PTPRD: variants seen among roughly 807,000 people sequenced by gnomAD.
PTPRD encodes protein tyrosine phosphatase receptor type D.
Under a neutral mutation model 214.5 loss-of-function variants are expected in PTPRD, and 34 were observed. The observed-to-expected ratio is 0.16, with a 90% confidence interval of 0.12 to 0.21. The LOEUF (loss-of-function observed/expected upper bound fraction) is 0.21. Among genes scored for constraint, PTPRD ranks in the 10% least tolerant of loss-of-function variants. The pLI is 1.00. For missense variants in PTPRD, 2,545 were observed against 2,398.7 expected, an observed-to-expected ratio of 1.06 and a Z score of -1.27; for synonymous variants, 1,128 against 845.7, an observed-to-expected ratio of 1.33 and a Z score of -5.79.
rs2098779958 is a variant in PTPRD, at chr9:8,915,618, T to C, written c.-104+103079A>G. On this transcript the variant is annotated intron_variant, in intron 11 of 45. Coordinates refer to ENST00000381196, the MANE Select transcript of PTPRD (RefSeq NM_002839.4). ...CAAGCTAGAGACCTAGGTGAGCTGA[T>C]GCGGCAGCTGTAGCCTGAATGTCAG... 2.0e-5 allele frequency among the ~76,000 whole-genome samples: 3 copies of C among 152,146 alleles called. No individual in the cohort carries two copies. In the South Asian group the frequency reaches 6.2e-4, roughly 32 times the overall value.
intron 3 of PTPRD, among the ~76,000 whole-genome samples, chr9:10,244,061 T>A (rs996292214): frequency 1.3e-5 from 2 of 152,044 alleles, no homozygotes; most frequent in Middle Eastern, 3.4e-3. Flanking sequence ...GTGCATAGAA[T>A]GAGACTATAG....
At chr9:8,586,024 A>G (rs1329981113) in intron 14 of PTPRD, among the ~76,000 whole-genome samples, 1 of 152,158 alleles carries the variant, frequency 6.6e-6, no homozygotes, top group East Asian at 1.9e-4. Context: ...TTTATAGGCC[A>G]GGAGCAGTGG....
At chr9:8,623,999 T>C (rs1040183624) in intron 14 of PTPRD, among the ~76,000 whole-genome samples, 2 of 152,004 alleles carry the variant, frequency 1.3e-5, no homozygotes, top group African/African-American at 2.4e-5. Flanking sequence ...ATATATCTAA[T>C]GTTACATTTT....
At chr9:10,036,104 C>A (rs1342048360) in intron 3 of PTPRD, among the ~76,000 whole-genome samples, 2 of 152,106 alleles carry the variant, frequency 1.3e-5, no homozygotes, top group Non-Finnish European at 2.9e-5. Flanking sequence ...ACTTATACTG[C>A]ATATCTTCCA....
chr9:8,717,633 A>G (rs1329949832), intron 12 of PTPRD, among the ~76,000 whole-genome samples: 1 of 152,178 alleles, frequency 6.6e-6, no homozygotes, highest in Non-Finnish European at 1.5e-5. Context: ...CTCACTTGAG[A>G]ATAAACTGAG....
intron 11 of PTPRD, among the ~76,000 whole-genome samples, chr9:8,765,524 C>T (rs1203445796): frequency 6.6e-6 from 1 of 152,258 alleles, no homozygotes; most frequent in East Asian, 1.9e-4. Flanking sequence ...ATTATCAGTC[C>T]TGCCAAAAGC....
chr9:8,664,679 A>G (rs2097135526), intron 12 of PTPRD, among the ~76,000 whole-genome samples: 1 of 152,226 alleles, frequency 6.6e-6, no homozygotes, highest in Non-Finnish European at 1.5e-5. Context: ...GTTTGCTGAG[A>G]CACAGTAATG....
intron 12 of PTPRD, among the ~76,000 whole-genome samples, chr9:8,645,531 A>G (rs1038570520): frequency 1.4e-4 from 22 of 152,168 alleles, no homozygotes; most frequent in Admixed American, 3.3e-4. Context: ...TTCCTTTAGA[A>G]TGAGTATTAA....
At chr9:9,063,383 G>T (rs945211315) in intron 10 of PTPRD, among the ~76,000 whole-genome samples, 1 of 152,122 alleles carries the variant, frequency 6.6e-6, no homozygotes, top group Middle Eastern at 3.2e-3. Context: ...TACCTTCACT[G>T]AAATGCCTAC....
chr9:9,322,723 G>A (rs937748445), intron 9 of PTPRD, among the ~76,000 whole-genome samples: 1 of 152,040 alleles, frequency 6.6e-6, no homozygotes, highest in Non-Finnish European at 1.5e-5. Context: ...AGCACTTGTG[G>A]TTTCAACCGT....
At chr9:10,406,782 G>A (rs1303865247) in intron 2 of PTPRD, among the ~76,000 whole-genome samples, 3 of 148,898 alleles carry the variant, frequency 2.0e-5, no homozygotes, top group African/African-American at 7.4e-5. Flanking sequence ...GGGTGAGCAA[G>A]AAAAATAGAT....
intron 2 of PTPRD, among the ~76,000 whole-genome samples, chr9:10,534,946 T>C (rs1005196320): frequency 6.6e-6 from 1 of 152,158 alleles, no homozygotes; most frequent in African/African-American, 2.4e-5. Flanking sequence ...AATAGCAACA[T>C]TGCAGCCCAC....
chr9:10,548,359 C>T (rs1321701132), intron 2 of PTPRD, among the ~76,000 whole-genome samples: 3 of 152,040 alleles, frequency 2.0e-5, no homozygotes, highest in South Asian at 2.1e-4. Context: ...CTCTGCCACC[C>T]AGCTATTAAA....
At chr9:8,860,647 C>A (rs1213457421) in intron 11 of PTPRD, 2 of 152,134 alleles carry the variant, frequency 1.3e-5, no homozygotes, top group South Asian at 2.1e-4. Context: ...ATATTCAGAG[C>A]AGATTGGCAA....
intron 10 of PTPRD, among the ~76,000 whole-genome samples, chr9:9,134,281 G>C (rs2099847523): frequency 7.3e-6 from 1 of 137,738 alleles, no homozygotes; most frequent in South Asian, 2.2e-4. Context: ...CACCTTGTTA[G>C]CCAGGATGGT....
chr9:8,883,021 C>T (rs1275751507), intron 11 of PTPRD, among the ~76,000 whole-genome samples: 1 of 151,786 alleles, frequency 6.6e-6, no homozygotes, highest in Non-Finnish European at 1.5e-5. Context: ...CCCACACATA[C>T]TTTTTTCCCC....
intron 4 of PTPRD, among the ~76,000 whole-genome samples, chr9:9,963,207 T>C (rs1024141097): frequency 1.3e-5 from 2 of 152,102 alleles, no homozygotes; most frequent in African/African-American, 4.8e-5. Flanking sequence ...AAAATCCTTG[T>C]CAAATTCAGG....
chr9:8,538,787 A>G (rs1221690426), intron 14 of PTPRD, among the ~76,000 whole-genome samples: 1 of 151,938 alleles, frequency 6.6e-6, no homozygotes, highest in Non-Finnish European at 1.5e-5. Context: ...TGGGAGCAGT[A>G]ATACCCAGTA....
At chr9:10,055,291 T>C (rs576747315) in intron 3 of PTPRD, among the ~76,000 whole-genome samples, 1 of 152,166 alleles carries the variant, frequency 6.6e-6, no homozygotes, top group African/African-American at 2.4e-5. Context: ...CTAATGATCT[T>C]CTACTTGTGT....
Sources: allele counts gnomAD v4.1 joint callset (sites outside exome capture counted in the v4.1 genomes callset), GRCh38; gene constraint gnomAD v4.1.1; transcripts MANE v1.5; gene names NCBI Gene and HGNC (gene_info 2026-07-23, HGNC 2026-07-21).